The following ROBO2 variants were observed in gnomAD, a reference collection of about 807,000 sequenced individuals.
ROBO2 encodes the protein roundabout homolog 2.
ROBO2 carries 53 observed loss-of-function variants against 160.8 expected under a neutral mutation model. The ratio of observed to expected loss-of-function variants is 0.33; its 90% CI spans 0.26 to 0.41. The LOEUF (loss-of-function observed/expected upper bound fraction) is 0.41. ROBO2 is among the 10% of genes least tolerant of loss of function. The pLI, the probability that ROBO2 is intolerant of heterozygous loss-of-function variation, is 1.00. For synonymous variants in ROBO2, 664 were observed against 611.7 expected (o/e 1.09, Z -1.26); for missense variants, 1,577 against 1,722.4 (o/e 0.92, Z 1.49).
intron 2 of ROBO2, among the ~76,000 whole-genome samples, chr3:77,309,667 G>A (rs1008120710): frequency 4.6e-5 from 7 of 152,212 alleles, no homozygotes; most frequent in Non-Finnish European, 1.5e-5. Context: ...CTTCCCAGAT[G>A]AGTCATGGCA....
intron 2 of ROBO2, among the ~76,000 whole-genome samples, chr3:77,028,384 C>G (rs1373800648): frequency 6.6e-6 from 1 of 152,124 alleles, no homozygotes; most frequent in Non-Finnish European, 1.5e-5. Flanking sequence ...TACTCCATCT[C>G]TGATCTGTTT....
chr3:77,628,330 A>T (rs1294523748), intron 23 of ROBO2, among the ~76,000 whole-genome samples: 7 of 151,982 alleles, frequency 4.6e-5, no homozygotes, highest in Non-Finnish European at 8.8e-5. Flanking sequence ...TTTCGTGTTT[A>T]TACTTATGTT....
At chr3:76,174,619 A>T (rs536575848) in intron 2 of ROBO2, among the ~76,000 whole-genome samples, 13 of 152,140 alleles carry the variant, frequency 8.5e-5, no homozygotes, top group South Asian at 2.1e-4. Flanking sequence ...TTAAATAGGG[A>T]ATCCTTTCCC....
intron 2 of ROBO2, among the ~76,000 whole-genome samples, chr3:76,209,748 T>A (rs546464996): frequency 3.3e-5 from 5 of 152,114 alleles, no homozygotes; most frequent in Non-Finnish European, 4.4e-5. Context: ...AATTATTTCA[T>A]AGCAGCTGGG....
chr3:76,673,014 G>T (rs2092310001), intron 2 of ROBO2, among the ~76,000 whole-genome samples: 1 of 152,138 alleles, frequency 6.6e-6, no homozygotes, highest in Non-Finnish European at 1.5e-5. Flanking sequence ...TTAAGTGACA[G>T]AAATGATAGT....
At chr3:77,099,724 T>A (rs1312124068) in intron 2 of ROBO2, among the ~76,000 whole-genome samples, 1 of 152,106 alleles carries the variant, frequency 6.6e-6, no homozygotes, top group Non-Finnish European at 1.5e-5. Flanking sequence ...TTTATTGATT[T>A]TTTTCCCCCA....
chr3:76,781,343 G>T (rs1344932445), intron 2 of ROBO2, among the ~76,000 whole-genome samples: 1 of 150,512 alleles, frequency 6.6e-6, no homozygotes, highest in African/African-American at 2.4e-5. Context: ...ATAAGATCAG[G>T]TTATATGCAG....
intron 25 of ROBO2, 49 bp downstream of exon 27, chr3:77,644,953 T>C: frequency 1.9e-6 from 3 of 1,576,878 alleles, no homozygotes; most frequent in Non-Finnish European, 2.6e-6. Flanking sequence ...GAAAGAATCT[T>C]GGGTTAATAA....
At chr3:77,558,196 A>AGATGATATCAT in intron 9 of ROBO2, 47 bp downstream of exon 10, 1 of 1,499,730 alleles carries the variant, frequency 6.7e-7, no homozygotes, top group South Asian at 1.1e-5. Flanking sequence ...ACACATAAGT[A>AGATGATATCAT]CTGCTCTATG....
chr3:76,485,447 A>G (rs150575493), intron 2 of ROBO2, among the ~76,000 whole-genome samples: 4 of 152,062 alleles, frequency 2.6e-5, no homozygotes, highest in African/African-American at 9.6e-5. Flanking sequence ...AGCTTTGTTC[A>G]CTCGTCTGCC....
At chr3:76,817,618 A>G (rs1418649564) in intron 2 of ROBO2, among the ~76,000 whole-genome samples, 1 of 151,966 alleles carries the variant, frequency 6.6e-6, no homozygotes, top group Admixed American at 6.6e-5. Context: ...CACTGCACCC[A>G]ATGTGTAGTC....
intron 1 of ROBO2, among the ~76,000 whole-genome samples, chr3:75,921,370 A>G (rs996400599): frequency 6.6e-6 from 1 of 151,910 alleles, no homozygotes; most frequent in Admixed American, 6.6e-5. Context: ...ACACACACAC[A>G]TTGCATACTT....
chr3:76,493,672 T>TA (rs2079976239), intron 2 of ROBO2, among the ~76,000 whole-genome samples: 1 of 152,036 alleles, frequency 6.6e-6, no homozygotes, highest in Non-Finnish European at 1.5e-5. Context: ...CTCTTTCCAT[T>TA]TACTATCGAT....
intron 1 of ROBO2, among the ~76,000 whole-genome samples, chr3:77,080,064 T>G (rs1450014672): frequency 1.3e-5 from 2 of 152,210 alleles, no homozygotes; most frequent in Non-Finnish European, 2.9e-5. Flanking sequence ...TCTTGACAAA[T>G]GAGCACGTTT....
chr3:76,703,993 T>C (rs1183545726), intron 2 of ROBO2, among the ~76,000 whole-genome samples: 1 of 152,114 alleles, frequency 6.6e-6, no homozygotes, highest in Non-Finnish European at 1.5e-5. Context: ...TCTTTTTTTT[T>C]TTCCTTTTTG....
intron 2 of ROBO2, among the ~76,000 whole-genome samples, chr3:77,112,193 CAAAAA>C (rs373201643): frequency 3.2e-4 from 22 of 68,708 alleles, no homozygotes; most frequent in East Asian, 7.5e-4. Context: ...AGACTCGTCT[CAAAAA>C]AAAAAAAAAA....
intron 2 of ROBO2, among the ~76,000 whole-genome samples, chr3:76,800,446 G>A (rs575098067): frequency 8.5e-5 from 13 of 152,118 alleles, no homozygotes; most frequent in Admixed American, 8.5e-4. Flanking sequence ...CCAGAGAACG[G>A]AAGAAAATAT....
At position 76,270,469 on chromosome 3, in the gene ROBO2, G is replaced by T. The variant is rs143158878; in HGVS notation, c.109+332867G>T. Among the ~76,000 whole-genome samples, 45 of 152,054 alleles carry T rather than the reference G, an allele frequency of 3.0e-4. No homozygotes were observed. The East Asian group carries it at 8.3e-3, about 28-fold the overall frequency. On this transcript the variant is annotated intron_variant, in intron 2 of 26. Coordinates refer to the ROBO2 transcript ENST00000487694. ...AGATTATGAACTCATAATAGACTACGATGTAGCAAGATTGCATTACACTAT... is the reference window on the plus strand; with the variant it reads ...AGATTATGAACTCATAATAGACTACTATGTAGCAAGATTGCATTACACTAT...
intron 1 of ROBO2, among the ~76,000 whole-genome samples, chr3:77,048,210 G>T (rs1291091546): frequency 6.6e-6 from 1 of 152,142 alleles, no homozygotes; most frequent in Non-Finnish European, 1.5e-5. Flanking sequence ...ACTAATTATG[G>T]ACTACAATTG....
Sources: gnomAD v4.1 joint callset for allele counts (sites outside exome capture counted in the v4.1 genomes callset) on GRCh38, gnomAD v4.1.1 for gene constraint, MANE v1.5 for transcripts, NCBI Gene and HGNC (gene_info 2026-07-23, HGNC 2026-07-21) for gene names.